DDAH1: variants seen among roughly 807,000 people sequenced by gnomAD.
DDAH1 encodes the protein N(G),N(G)-dimethylarginine dimethylaminohydrolase 1.
In DDAH1, 19 loss-of-function variants were observed where a neutral mutation model predicts 28.8. The ratio of observed to expected loss-of-function variants is 0.66; its 90% CI spans 0.46 to 0.97. The LOEUF (loss-of-function observed/expected upper bound fraction) is 0.97. DDAH1 is among the 50% of genes least tolerant of loss of function. The probability of loss-of-function intolerance (pLI) is 0.00; values close to 1 mark genes in which losing one functional copy is unlikely to be tolerated. For missense variants in DDAH1, 326 were observed against 375.9 expected, an observed-to-expected ratio of 0.87 and a Z score of 1.10; for synonymous variants, 153 against 154.4, an observed-to-expected ratio of 0.99 and a Z score of 0.07.
At chr1:85,534,204 C>A (rs560303054) in intron 1 of DDAH1, among the ~76,000 whole-genome samples, 3 of 152,310 alleles carry the variant, frequency 2.0e-5, no homozygotes, top group East Asian at 3.9e-4. Context: ...TCAGAATAGC[C>A]TTTCCATGTC....
intron 5 of DDAH1, 41 bp from the exon 6 acceptor site, chr1:85,321,609 T>C (rs945453718): frequency 8.4e-6 from 12 of 1,422,420 alleles, no homozygotes; most frequent in African/African-American, 1.4e-5. Context: ...AGAAGGATTA[T>C]GTTTTACCAT....
At chr1:85,340,057 A>G (rs1648377976) in intron 4 of DDAH1, among the ~76,000 whole-genome samples, 1 of 152,172 alleles carries the variant, frequency 6.6e-6, no homozygotes, top group Non-Finnish European at 1.5e-5. Flanking sequence ...TGTTTTTAAG[A>G]TGATTTTTTT....
At chr1:85,413,694 T>C (rs768710818) in intron 1 of DDAH1, among the ~76,000 whole-genome samples, 11 of 152,246 alleles carry the variant, frequency 7.2e-5, no homozygotes, top group Non-Finnish European at 1.2e-4. Flanking sequence ...CATTTTCTTT[T>C]CCAAAATTCA....
rs555835082 is a variant in DDAH1 at position 85,525,014 on chromosome 1, T to A, written c.-122-28733A>T. Among the ~76,000 whole-genome samples, 8 of 118,398 alleles carry A rather than the reference T, an allele frequency of 6.8e-5. 1 individual carries two copies. Among genetic ancestry groups the A allele is most frequent in the South Asian group, 3.1e-4 (1 of 3,262 alleles). The allele number at this position is 118,398 out of a possible 152,430, so 77.7% of individuals were successfully genotyped here. A position where few individuals can be genotyped will look rare whatever the true frequency, so the allele number is the denominator to read the frequency against. On this transcript the variant is annotated intron_variant, in intron 1 of 6. Coordinates refer to the DDAH1 transcript ENST00000426972. ...ACTGACTGGCACACATTAAAGAATA[T>A]CTGTTTGTGTCTTGAAATGAATGCT...
At chr1:85,403,278 T>C (rs969037569) in intron 1 of DDAH1, among the ~76,000 whole-genome samples, 2 of 151,902 alleles carry the variant, frequency 1.3e-5, no homozygotes, top group Admixed American at 6.6e-5. Context: ...TATATACATA[T>C]ACATATATGT....
At chr1:85,375,146 G>A (rs1650594858) in intron 1 of DDAH1, among the ~76,000 whole-genome samples, 1 of 152,128 alleles carries the variant, frequency 6.6e-6, no homozygotes, top group Admixed American at 6.6e-5. Flanking sequence ...ATATTTAGCT[G>A]CCAAAAAGAA....
At chr1:85,520,497 C>T (rs1657645255) in intron 1 of DDAH1, among the ~76,000 whole-genome samples, 1 of 152,152 alleles carries the variant, frequency 6.6e-6, no homozygotes, top group South Asian at 2.1e-4. Context: ...TTGAAAATGC[C>T]CAAAATATGT....
At chr1:85,338,919 T>C (rs928307951) in intron 4 of DDAH1, among the ~76,000 whole-genome samples, 2 of 151,568 alleles carry the variant, frequency 1.3e-5, no homozygotes, top group South Asian at 2.1e-4. Context: ...TGGTTGTATA[T>C]GTCTGTAATC....
intron 1 of DDAH1, chr1:85,404,463 T>C (rs1652309661): frequency 2.6e-6 from 4 of 1,529,586 alleles, no homozygotes; most frequent in African/African-American, 1.4e-5. Flanking sequence ...GATTCCCTGT[T>C]TTAACATCCA....
chr1:85,335,855 GGA>G (rs1648073158), intron 4 of DDAH1, among the ~76,000 whole-genome samples: 1 of 152,056 alleles, frequency 6.6e-6, no homozygotes, highest in South Asian at 2.1e-4. Context: ...TCAGCTGCTT[GGA>G]AGGCTGAGGT....
intron 1 of DDAH1, among the ~76,000 whole-genome samples, chr1:85,457,908 T>C (rs1557653715): frequency 6.6e-6 from 1 of 152,024 alleles, no homozygotes; most frequent in Non-Finnish European, 1.5e-5. Context: ...CCAGGCTGGT[T>C]TTGAACTCCT....
chr1:85,481,457 T>G (rs976415823), intron 2 of DDAH1, among the ~76,000 whole-genome samples: 1 of 152,202 alleles, frequency 6.6e-6, no homozygotes, highest in African/African-American at 2.4e-5. Flanking sequence ...TGAAAACAAA[T>G]TATTAATACA....
At chr1:85,345,334 ATT>A (rs34721625) in intron 4 of DDAH1, among the ~76,000 whole-genome samples, 755 of 146,044 alleles carry the variant, frequency 5.2e-3, no homozygotes, top group Admixed American at 5.3e-3. Context: ...GTCTTACATT[ATT>A]TTTTTTTTTT....
chr1:85,370,227 C>T (rs539942923), intron 1 of DDAH1, among the ~76,000 whole-genome samples: 1 of 152,270 alleles, frequency 6.6e-6, no homozygotes, highest in East Asian at 1.9e-4. Flanking sequence ...CATGTGAAGA[C>T]ACAGATGGCC....
At chr1:85,483,914 C>T (rs1342172297) in intron 2 of DDAH1, among the ~76,000 whole-genome samples, 3 of 152,178 alleles carry the variant, frequency 2.0e-5, no homozygotes, top group Admixed American at 1.3e-4. Flanking sequence ...CAGATACACA[C>T]TCCAGGAGTG....
chr1:85,350,512 G>A lies in DDAH1; in HGVS notation c.500C>T (p.Pro167Leu), dbSNP rs776036188. The A allele has an allele frequency of 6.2e-7, 1 of 1,614,116 alleles. No individual in the cohort carries two copies. The highest frequency in any genetic ancestry group is 1.7e-5 in the Admixed American group (1 of 60,018). Residue 167 changes from proline to leucine, a missense_variant, in exon 4 of 6, where the codon CCA becomes CTA. Pro to Leu is a moderately conservative substitution (Grantham distance 98, BLOSUM62 -3). Transcript: ENST00000284031. The part of the protein sequence containing the change: ...TFKDYAVSTV[P>L]VADGLHLKSF... ...CTTCAAATGCAACCCATCTGCCACT[G>A]GCACTGTGGAGACTGCATAGTCCTA... is the stretch of plus-strand genomic sequence containing the variant.
intron 1 of DDAH1, among the ~76,000 whole-genome samples, chr1:85,361,970 C>G (rs1157338835): frequency 1.3e-5 from 2 of 152,186 alleles, no homozygotes; most frequent in African/African-American, 4.8e-5. Context: ...TTATGAATAA[C>G]AGCTTGTGTA....
intron 1 of DDAH1, among the ~76,000 whole-genome samples, chr1:85,573,576 A>T (rs1437177339): frequency 1.3e-5 from 2 of 152,210 alleles, no homozygotes; most frequent in African/African-American, 4.8e-5. Context: ...TCCTGTGGAT[A>T]GATGCCAAGT....
chr1:85,402,862 T>A (rs545089797), intron 1 of DDAH1, among the ~76,000 whole-genome samples: 24 of 144,046 alleles, frequency 1.7e-4, no homozygotes, highest in African/African-American at 5.7e-4. Context: ...TGAGCCGAGA[T>A]AGCGCCACTG....
Sources: allele counts gnomAD v4.1 joint callset (sites outside exome capture counted in the v4.1 genomes callset), GRCh38; gene constraint gnomAD v4.1.1; transcripts MANE v1.5; gene names NCBI Gene and HGNC (gene_info 2026-07-23, HGNC 2026-07-21).